NLRP3: variants seen among roughly 807,000 people sequenced by gnomAD.
NLRP3 encodes the protein NACHT, LRR and PYD domains-containing protein 3.
Under a neutral mutation model 91.3 loss-of-function variants are expected in NLRP3, and 48 were observed. That is an observed-to-expected ratio of 0.53 (90% CI 0.42 to 0.67). The LOEUF is 0.67. Ranked by LOEUF, NLRP3 falls within the 30% of genes least tolerant of loss-of-function variation. The probability of loss-of-function intolerance (pLI) is 0.00; values close to 1 mark genes in which losing one functional copy is unlikely to be tolerated. For synonymous variants in NLRP3, 561 were observed against 507.9 expected, an observed-to-expected ratio of 1.10 and a Z score of -1.41; for missense variants, 982 against 1,276.9, an observed-to-expected ratio of 0.77 and a Z score of 3.52.
rs540981233 is a variant in NLRP3 at position 247,443,836 on chromosome 1, T to C, written c.2664-136T>C. On this transcript the variant is annotated intron_variant, in intron 7 of 9. Transcript: ENST00000336119. ...AGCAGGTCTTGCTCTCCCCAGATCA[T>C]ATCTGAGATGCTGGCTCCTGCTCTC... 2.1e-4 allele frequency: 172 copies of C among 802,290 alleles called. 1 individual carries two copies. Among genetic ancestry groups the C allele is most frequent in the Non-Finnish European group, 3.4e-4 (162 of 470,990 alleles). The allele number at this position is 802,290 out of a possible 1,614,324, so 49.7% of individuals were successfully genotyped here.
intron 2 of NLRP3, among the ~76,000 whole-genome samples, chr1:247,420,149 C>T (rs535847558): frequency 1.3e-5 from 2 of 152,128 alleles, no homozygotes; most frequent in East Asian, 1.9e-4. Context: ...TTTTGATTTC[C>T]GTTTCCCTAA....
intron 2 of NLRP3, 127 bp from the exon 3 acceptor site, chr1:247,423,103 T>C: frequency 7.4e-7 from 1 of 1,360,260 alleles, no homozygotes; most frequent in Non-Finnish European, 1.0e-6. Flanking sequence ...CCTCTGCAAC[T>C]CAGAGCCATG....
intron 5 of NLRP3, among the ~76,000 whole-genome samples, chr1:247,432,163 G>A (rs1007599883): frequency 1.8e-4 from 28 of 152,182 alleles, no homozygotes; most frequent in Non-Finnish European, 2.8e-4. Context: ...GATTACAGGC[G>A]TGAGCCACCG....
At chr1:247,421,857 T>A (rs1458528720) in intron 2 of NLRP3, among the ~76,000 whole-genome samples, 2 of 152,180 alleles carry the variant, frequency 1.3e-5, no homozygotes, top group Non-Finnish European at 2.9e-5. Context: ...TTGGCTAATT[T>A]ACTGTCATGG....
intron 1 of NLRP3, 134 bp downstream of exon 1, chr1:247,416,327 AC>A (rs1202063106): frequency 1.3e-5 from 2 of 152,172 alleles, no homozygotes; most frequent in Non-Finnish European, 2.9e-5. Flanking sequence ...TTGTGCTTCA[AC>A]AACATTTCTG....
chr1:247,419,191 G>C, intron 2 of NLRP3, 114 bp downstream of exon 2: 1 of 701,254 alleles, frequency 1.4e-6, no homozygotes, highest in Non-Finnish European at 1.9e-6. Context: ...AGTTGCTCTT[G>C]TTGCCCAGGC....
intron 7 of NLRP3, among the ~76,000 whole-genome samples, chr1:247,438,293 T>C (rs12239046): frequency 0.58 from 87,438 of 151,378 alleles, 25,614 homozygotes; most frequent in Non-Finnish European, 0.62. Flanking sequence ...TAGTCTTTCC[T>C]GCTAATGTTA....
At chr1:247,444,180 G>T in intron 8 of NLRP3, 38 bp downstream of exon 8, 1 of 1,605,050 alleles carries the variant, frequency 6.2e-7, no homozygotes, top group East Asian at 2.2e-5. Flanking sequence ...GAGAACACAT[G>T]GTGGCCAAGG....
intron 2 of NLRP3, 85 bp downstream of exon 2, chr1:247,419,162 ATATTT>A (rs2103085669): frequency 3.2e-5 from 8 of 247,624 alleles, no homozygotes; most frequent in South Asian, 1.1e-4. Flanking sequence ...ATATATATAT[ATATTT>A]TTTTTTGAGA....
chr1:247,433,350 G>C (rs902500421), intron 5 of NLRP3, among the ~76,000 whole-genome samples: 2 of 152,236 alleles, frequency 1.3e-5, no homozygotes, highest in African/African-American at 2.4e-5. Context: ...GCACTGGCGA[G>C]GGCAGTGCCG....
intron 4 of NLRP3, among the ~76,000 whole-genome samples, chr1:247,426,821 C>T (rs558258674): frequency 5.9e-5 from 9 of 152,254 alleles, no homozygotes; most frequent in African/African-American, 2.2e-4. Flanking sequence ...GTGGGTGTCC[C>T]CGCTCAGCCA....
At chr1:247,440,124 A>G (rs765766515) in intron 7 of NLRP3, among the ~76,000 whole-genome samples, 10 of 152,032 alleles carry the variant, frequency 6.6e-5, no homozygotes, top group Non-Finnish European at 1.3e-4. Context: ...TGTTAGGTAT[A>G]GCCTATGTGT....
chr1:247,448,384 GCTTT>G lies in NLRP3; in HGVS notation c.3006-18_3006-15del, dbSNP rs780982874. On this transcript the variant is annotated splice_polypyrimidine_tract_variant and intron_variant, in intron 9 of 9. Transcript: ENST00000336119. Reference sequence around the variant, plus strand: ...GAGTTATCTGAAGAGTGCAACCCAGGCTTTCTATTTGCTTTTACAGGTTGTCTGA... The same window carrying G: ...GAGTTATCTGAAGAGTGCAACCCAGGCTATTTGCTTTTACAGGTTGTCTGA... The G allele has an allele frequency of 1.9e-5, 27 of 1,391,532 alleles. No individual in the cohort carries two copies. The South Asian group carries it at 2.2e-4, about 11-fold the overall frequency. The allele number at this position is 1,391,532 out of a possible 1,614,324, so 86.2% of individuals were successfully genotyped here.
In NLRP3 at chr1:247,425,887, A is replaced by G. The variant is rs1432685709; in HGVS notation, c.2150+288A>G. On this transcript the variant is annotated intron_variant, in intron 4 of 9. Coordinates refer to ENST00000336119, the MANE Select transcript of NLRP3 (RefSeq NM_001243133.2). The surrounding 1 kb of genome is among the most constrained non-coding windows in gnomAD (Gnocchi z 4.1). ...GTAGGATTGCCTACAAATATTTGTC[A>G]ACTGAAATTTCTTGTAAGCTACTTG... is the stretch of plus-strand genomic sequence containing the variant. 1 of 438,670 alleles carries G rather than the reference A, an allele frequency of 2.3e-6. No homozygotes were observed. The allele number at this position is 438,670 out of a possible 1,614,324, so 27.2% of individuals were successfully genotyped here.
At chr1:247,432,323 T>C (rs1663394386) in intron 5 of NLRP3, among the ~76,000 whole-genome samples, 2 of 146,116 alleles carry the variant, frequency 1.4e-5, no homozygotes, top group Admixed American at 1.5e-4. Flanking sequence ...TTTGTTTAGC[T>C]CCCACTTGTA....
chr1:247,418,789 C>CAGG lies in NLRP3; in HGVS notation c.-12_-11insAGG. On this transcript the variant is annotated 5_prime_UTR_variant, in exon 2 of 10. Coordinates refer to ENST00000336119, the MANE Select transcript of NLRP3 (RefSeq NM_001243133.2). ...CGAAGCCTAAGGACCCTGAAAACAG[C>CAGG]TGCAGATGAAGATGGCAAGCACCCG... 6.2e-7 allele frequency: 1 copy of CAGG among 1,613,460 alleles called. No homozygotes were observed. Among genetic ancestry groups the CAGG allele is most frequent in the Non-Finnish European group, 8.5e-7 (1 of 1,180,020 alleles).
At chr1:247,423,756 A>G (rs1662641628) in intron 3 of NLRP3, 91 bp from the exon 4 acceptor site, 1 of 1,136,644 alleles carries the variant, frequency 8.8e-7, no homozygotes, top group Non-Finnish European at 1.3e-6. Context: ...CATTCCGGTT[A>G]CCACTCGCTT....
At chr1:247,440,991 G>C (rs770212956) in intron 7 of NLRP3, among the ~76,000 whole-genome samples, 82 of 152,096 alleles carry the variant, frequency 5.4e-4, no homozygotes, top group Non-Finnish European at 1.0e-3. Context: ...ATCATTCAAT[G>C]AGATAACCCT....
intron 4 of NLRP3, among the ~76,000 whole-genome samples, chr1:247,428,480 C>T (rs1663066599): frequency 6.6e-6 from 1 of 152,212 alleles, no homozygotes; most frequent in Non-Finnish European, 1.5e-5. Flanking sequence ...AAGGTGACTG[C>T]ATGTGTGGGT....
Sources: gnomAD v4.1 joint callset for allele counts (sites outside exome capture counted in the v4.1 genomes callset) on GRCh38, gnomAD v4.1.1 for gene constraint, Gnocchi (gnomAD v3.1) non-coding constraint, MANE v1.5 for transcripts, NCBI Gene and HGNC (gene_info 2026-07-23, HGNC 2026-07-21) for gene names.